MSH6: variants seen among roughly 807,000 people sequenced by gnomAD.
The protein encoded by MSH6 is DNA mismatch repair protein Msh6.
MSH6 carries 85 observed loss-of-function variants against 119.1 expected under a neutral mutation model. The observed-to-expected ratio is 0.71, with a 90% CI of 0.60 to 0.85. The LOEUF is 0.85. MSH6 is among the 40% of genes least tolerant of loss of function. MSH6 has a pLI of 0.00. For synonymous variants in MSH6, 830 were observed against 586.9 expected, an observed-to-expected ratio of 1.41 and a Z score of -5.99; for missense variants, 2,163 against 1,655.3, an observed-to-expected ratio of 1.31 and a Z score of -5.32.
chr2:47,789,461 T>A, intron 1 of MSH6: 2 of 459,778 alleles, frequency 4.3e-6, no homozygotes, highest in South Asian at 3.3e-5. Flanking sequence ...ATGGAAGACA[T>A]TATTTTTTTA....
rs1558668516 is a variant in MSH6 at position 47,801,230 on chromosome 2, A to G, written c.3172+75A>G. ...TGCCAGCTGTATATTATCCCTAAAA[A>G]TAAGTAATAAGGTATATATGGTACA... On this transcript the variant is annotated intron_variant, in intron 4 of 9. Transcript: ENST00000234420. 2.7e-6 allele frequency: 4 copies of G among 1,462,448 alleles called. No individual in the cohort carries two copies. In the Admixed American group the frequency reaches 5.1e-5, roughly 19 times the overall value. 90.6% of individuals were successfully genotyped at this position (1,462,448 alleles called of 1,614,324 possible).
chr2:47,784,882 A>G (rs1242617921), intron 1 of MSH6: 1 of 152,136 alleles, frequency 6.6e-6, no homozygotes, highest in Admixed American at 6.6e-5. Flanking sequence ...GCTAGAGTGC[A>G]GTGGCGCGTT....
At chr2:47,784,259 C>A (rs1668209388) in intron 1 of MSH6, 1 of 994,550 alleles carries the variant, frequency 1.0e-6, no homozygotes, top group Non-Finnish European at 1.2e-6. Context: ...TGCACGTGCA[C>A]CGAGACGAAG....
At chr2:47,790,786 A>G in intron 1 of MSH6, 141 bp from the exon 2 acceptor site, 1 of 758,682 alleles carries the variant, frequency 1.3e-6, no homozygotes, top group Non-Finnish European at 2.2e-6. Flanking sequence ...TGACTTGAAT[A>G]TCTGACTTTA....
intron 4 of MSH6, 183 bp downstream of exon 4, chr2:47,801,338 A>G: frequency 3.7e-6 from 1 of 268,550 alleles, no homozygotes; most frequent in Non-Finnish European, 6.7e-6. Context: ...CTTTTATCTT[A>G]GTAGCCCTTT....
At chr2:47,785,536 G>C (rs1018541002) in intron 1 of MSH6, among the ~76,000 whole-genome samples, 2 of 152,212 alleles carry the variant, frequency 1.3e-5, no homozygotes, top group African/African-American at 2.4e-5. Context: ...GTGGTTTTGA[G>C]TAATGGATTT....
chr2:47,805,949 A>G (rs1670004465), intron 7 of MSH6, among the ~76,000 whole-genome samples: 2 of 152,204 alleles, frequency 1.3e-5, no homozygotes, highest in Admixed American at 6.5e-5. Context: ...TTGTTATACT[A>G]CGGGGATGAG....
downstream of MSH6, chr2:47,809,475 T>A: frequency 1.3e-6 from 1 of 767,680 alleles, no homozygotes. Flanking sequence ...TCTGTTTCTT[T>A]CAAAATCTAT....
At chr2:47,786,258 A>G (rs556796105) in intron 1 of MSH6, among the ~76,000 whole-genome samples, 6 of 152,170 alleles carry the variant, frequency 3.9e-5, no homozygotes, top group Non-Finnish European at 8.8e-5. Flanking sequence ...CAGAGATCCA[A>G]TCATGAACAG....
rs1572747155 is a variant in MSH6 at position 47,806,560 on chromosome 2, A to T, written c.3910A>T (p.Arg1304Trp). 6.2e-7 allele frequency: 1 copy of T among 1,613,872 alleles called. No individual in the cohort carries two copies. The highest frequency in any genetic ancestry group is 8.5e-7 in the Non-Finnish European group (1 of 1,179,862). ...TAAAAGCTATGGCTTTAATGCAGCA[A>T]GGCTTGCTAATCTCCCAGAGGAAGT... Reference protein sequence around the residue: ...CPKSYGFNAARLANLPEEVIQ... With the variant: ...CPKSYGFNAAWLANLPEEVIQ... The change falls in exon 9 of 10, where the codon AGG (arginine) becomes TGG (tryptophan). Residue 1304 changes from arginine (R) to tryptophan (W), a missense_variant. Coordinates refer to ENST00000234420, the MANE Select transcript of MSH6 (RefSeq NM_000179.3).
rs587780672 is a variant in MSH6 at position 47,783,460 on chromosome 2, T to A, written c.227T>A (p.Leu76Gln). 1 of 1,462,510 alleles carries A rather than the reference T, an allele frequency of 6.8e-7. No individual in the cohort carries two copies. Among genetic ancestry groups the A allele is most frequent in the Non-Finnish European group, 9.0e-7 (1 of 1,108,026 alleles). 90.6% of individuals were successfully genotyped at this position (1,462,510 alleles called of 1,614,324 possible). Reference protein sequence around the residue: ...PPKAKNLNGGLRRSVAPAAPT... With the variant: ...PPKAKNLNGGQRRSVAPAAPT... ...AAGGCGAAGAACCTCAACGGAGGGC[T>A]GCGGAGATCGGTAGCGCCTGCTGCC... is the stretch of plus-strand genomic sequence containing the variant. Residue 76 changes from leucine (L) to glutamine (Q), a missense_variant, in exon 1 of 10, where the codon CTG becomes CAG. Transcript: ENST00000234420.
Position 47,791,142 on chromosome 2 carries a change from A to G in MSH6, c.457+19A>G, listed in dbSNP as rs866845682. 4.4e-6 allele frequency: 7 copies of G among 1,602,424 alleles called. No homozygotes were observed. The Admixed American group carries it at 5.0e-5, about 11-fold the overall frequency. On this transcript the variant is annotated intron_variant, in intron 2 of 9. Coordinates refer to ENST00000234420, the MANE Select transcript of MSH6 (RefSeq NM_000179.3). Reference sequence around the variant, plus strand: ...TATACAGGTAAGAGTCACTACTGCCATGTGTGTGTGTTTGTGTGTGTGTGT... The same window carrying G: ...TATACAGGTAAGAGTCACTACTGCCGTGTGTGTGTGTTTGTGTGTGTGTGT...
Position 47,799,304 on chromosome 2 carries a change from C to T in MSH6, c.1321C>T (p.Leu441Phe), listed in dbSNP as rs1553412749. 5 of 1,613,902 alleles carry T rather than the reference C, an allele frequency of 3.1e-6. No individual in the cohort carries two copies. Among genetic ancestry groups the T allele is most frequent in the South Asian group, 1.1e-5 (1 of 91,070 alleles). Residue 441 changes from leucine to phenylalanine, a missense_variant, in exon 4 of 10, where the codon CTT becomes TTT. Coordinates refer to ENST00000234420, the MANE Select transcript of MSH6 (RefSeq NM_000179.3). ...TTATGAGCTGTACCACATGGATGCT[C>T]TTATTGGAGTCAGTGAACTGGGGCT... Reference protein sequence around the residue: ...KFYELYHMDALIGVSELGLVF... With the variant: ...KFYELYHMDAFIGVSELGLVF...
chr2:47,792,570 A>C (rs545308863), intron 2 of MSH6, among the ~76,000 whole-genome samples: 1 of 152,226 alleles, frequency 6.6e-6, no homozygotes, highest in East Asian at 1.9e-4. Context: ...AGCTGGTCTC[A>C]AACTCCTGCC....
intron 1 of MSH6, 188 bp downstream of exon 1, chr2:47,783,681 G>A: frequency 1.7e-6 from 1 of 576,754 alleles, no homozygotes; most frequent in Non-Finnish European, 2.7e-6. Context: ...GGTGTAGCTT[G>A]TAAACAGGGT....
At position 47,800,142 on chromosome 2, in the gene MSH6, C is replaced by T. The variant is rs185531778; in HGVS notation, c.2159C>T (p.Thr720Ile). 2.5e-6 allele frequency: 4 copies of T among 1,614,168 alleles called. No homozygotes were observed. In the African/African-American group the frequency reaches 5.3e-5, roughly 22 times the overall value. ...IPLDSDTVST[T>I]RSGAIFTKAY... ...TTGGATTCTGACACAGTCAGCACTA[C>T]AAGATCTGGTGCTATCTTCACCAAA... Residue 720 changes from threonine to isoleucine, a missense_variant, in exon 4 of 10, where the codon ACA becomes ATA. Transcript: ENST00000234420.
chr2:47,784,017 G>GA (rs1204807374), intron 1 of MSH6: 1 of 1,023,568 alleles, frequency 9.8e-7, no homozygotes, highest in Non-Finnish European at 1.2e-6. Context: ...GTGAGTTGGG[G>GA]CTCCAGTAGT....
intron 2 of MSH6, among the ~76,000 whole-genome samples, chr2:47,792,368 C>T (rs192375432): frequency 6.6e-6 from 1 of 152,140 alleles, no homozygotes; most frequent in Admixed American, 6.5e-5. Context: ...GCTCATCCTA[C>T]AAAAAAGGAT....
At chr2:47,784,543 A>G (rs932654752) in intron 1 of MSH6, 2 of 151,722 alleles carry the variant, frequency 1.3e-5, no homozygotes, top group Non-Finnish European at 2.9e-5. Context: ...GCTCACCGCA[A>G]TCTCCGCGTC....
Sources: allele counts gnomAD v4.1 joint callset (sites outside exome capture counted in the v4.1 genomes callset), GRCh38; gene constraint gnomAD v4.1.1; transcripts MANE v1.5; gene names NCBI Gene and HGNC (gene_info 2026-07-23, HGNC 2026-07-21).